PRKG1: variants seen among roughly 807,000 people sequenced by gnomAD.
The protein encoded by PRKG1 is cGMP-dependent protein kinase 1.
In PRKG1, 35 loss-of-function variants were observed where a neutral mutation model predicts 88.1. That is an observed-to-expected ratio of 0.40 (90% CI 0.30 to 0.53). The LOEUF (loss-of-function observed/expected upper bound fraction) is 0.53. Ranked by LOEUF, PRKG1 falls within the 20% of genes least tolerant of loss-of-function variation. The pLI is 0.59. For synonymous variants in PRKG1, 303 were observed against 292.5 expected, an observed-to-expected ratio of 1.04 and a Z score of -0.37; for missense variants, 540 against 839.8, an observed-to-expected ratio of 0.64 and a Z score of 4.41.
rs1230434480 is a variant in PRKG1, at chr10:51,945,200, C to A, written c.762+37630C>A. On this transcript the variant is annotated intron_variant, in intron 5 of 17. Coordinates refer to ENST00000373980, the MANE Select transcript of PRKG1 (RefSeq NM_006258.4). ...CTTCTTGTTGAATTGATCCCTTTAC[C>A]ATTATGTAATGGCCTTCTTTGTCTG... Among the ~76,000 whole-genome samples, 1,079 of 148,268 alleles carry A rather than the reference C, an allele frequency of 7.3e-3. 15 individuals carry two copies. Among genetic ancestry groups the A allele is most frequent in the African/African-American group, 0.024 (968 of 40,004 alleles).
intron 1 of PRKG1, among the ~76,000 whole-genome samples, chr10:51,132,888 T>C (rs955811203): frequency 6.6e-6 from 1 of 152,022 alleles, no homozygotes; most frequent in African/African-American, 2.4e-5. Flanking sequence ...CATATACATA[T>C]GTCAAAACAT....
chr10:50,991,217 C>T lies in PRKG1; in HGVS notation c.-162C>T. 4 of 1,051,222 alleles carry T rather than the reference C, an allele frequency of 3.8e-6. No individual in the cohort carries two copies. Among genetic ancestry groups the T allele is most frequent in the Non-Finnish European group, 5.3e-6 (4 of 757,880 alleles). The allele number at this position is 1,051,222 out of a possible 1,614,324, so 65.1% of individuals were successfully genotyped here. A position where few individuals can be genotyped will look rare whatever the true frequency, so the allele number is the denominator to read the frequency against. ...AGAAGCGGATCGAAGCAGGAGGCTC[C>T]CCGCGCCGCATTAGGGGCGCACTCC... On this transcript the variant is annotated 5_prime_UTR_variant, in exon 1 of 18. Transcript: ENST00000401604. This position sits in a 1 kb window ranked among gnomAD's most constrained non-coding sequence, Gnocchi z 4.5.
intron 2 of PRKG1, among the ~76,000 whole-genome samples, chr10:51,351,698 G>C (rs757497019): frequency 2.6e-5 from 4 of 152,052 alleles, no homozygotes; most frequent in Non-Finnish European, 4.4e-5. Context: ...TAGGTTGTCT[G>C]TTCTCTCTGA....
intron 9 of PRKG1, among the ~76,000 whole-genome samples, chr10:52,181,776 T>G (rs1839039301): frequency 1.3e-5 from 1 of 78,986 alleles, no homozygotes; most frequent in Admixed American, 1.5e-4. Flanking sequence ...TCATCTTTTA[T>G]GGCTGCATAG....
intron 2 of PRKG1, among the ~76,000 whole-genome samples, chr10:51,437,738 A>G (rs1224407684): frequency 6.6e-6 from 1 of 151,548 alleles, no homozygotes; most frequent in African/African-American, 2.4e-5. Flanking sequence ...TGAATGTTCT[A>G]AATCAGTGGT....
chr10:51,156,389 A>G (rs767862139), intron 2 of PRKG1, among the ~76,000 whole-genome samples: 2 of 151,540 alleles, frequency 1.3e-5, no homozygotes, highest in African/African-American at 2.4e-5. Context: ...AGGTAAGTAT[A>G]CTAATATTTT....
At chr10:51,090,464 G>A (rs1844372782) in intron 1 of PRKG1, among the ~76,000 whole-genome samples, 3 of 152,092 alleles carry the variant, frequency 2.0e-5, no homozygotes, top group Non-Finnish European at 2.9e-5. Context: ...ATAGGCAAGT[G>A]TGAAGTTCCA....
intron 2 of PRKG1, among the ~76,000 whole-genome samples, chr10:51,254,130 T>C (rs1839495882): frequency 6.6e-6 from 1 of 151,950 alleles, no homozygotes; most frequent in Admixed American, 6.6e-5. Flanking sequence ...TTTTACCATT[T>C]GTATTGGAAT....
intron 9 of PRKG1, among the ~76,000 whole-genome samples, chr10:52,210,202 G>A (rs755301500): frequency 3.3e-5 from 5 of 151,790 alleles, no homozygotes; most frequent in South Asian, 2.1e-4. Context: ...TAATTAAAAC[G>A]GATTGCTGTT....
At chr10:52,110,817 G>T (rs1405603377) in intron 7 of PRKG1, among the ~76,000 whole-genome samples, 3 of 152,274 alleles carry the variant, frequency 2.0e-5, no homozygotes, top group Middle Eastern at 3.4e-3. Context: ...GCTACTTTGT[G>T]TGACCAACTG....
chr10:51,774,296 G>T (rs753943320), intron 3 of PRKG1, among the ~76,000 whole-genome samples: 19 of 151,920 alleles, frequency 1.3e-4, no homozygotes, highest in Middle Eastern at 3.2e-3. Flanking sequence ...ATTGCATTTT[G>T]CTTTTTTCTT....
intron 3 of PRKG1, among the ~76,000 whole-genome samples, chr10:51,545,532 C>A (rs1387799138): frequency 6.6e-6 from 1 of 152,110 alleles, no homozygotes; most frequent in African/African-American, 2.4e-5. Flanking sequence ...CAATTTCTAT[C>A]TCTTAGAGAA....
At chr10:51,978,550 G>A (rs1015731437) in intron 5 of PRKG1, among the ~76,000 whole-genome samples, 1 of 151,658 alleles carries the variant, frequency 6.6e-6, no homozygotes, top group African/African-American at 2.4e-5. Flanking sequence ...ATTGCTTTGG[G>A]CAGTGTGGCC....
intron 5 of PRKG1, among the ~76,000 whole-genome samples, chr10:51,925,269 T>TA (rs2132989209): frequency 6.6e-6 from 1 of 152,098 alleles, no homozygotes; most frequent in African/African-American, 2.4e-5. Context: ...TGTCAGGGGC[T>TA]AAAATTCCCT....
At chr10:52,165,562 C>T (rs1172625201) in intron 9 of PRKG1, among the ~76,000 whole-genome samples, 1 of 152,104 alleles carries the variant, frequency 6.6e-6, no homozygotes, top group East Asian at 1.9e-4. Context: ...GTTAATTTGG[C>T]TCCACTTTGT....
intron 2 of PRKG1, among the ~76,000 whole-genome samples, chr10:51,220,555 G>T (rs1838502110): frequency 6.6e-6 from 1 of 152,018 alleles, no homozygotes; most frequent in South Asian, 2.1e-4. Context: ...TAGGACACCA[G>T]TATTAGTGAC....
chr10:51,661,932 A>G (rs1415264341), intron 3 of PRKG1, among the ~76,000 whole-genome samples: 2 of 152,176 alleles, frequency 1.3e-5, no homozygotes, highest in African/African-American at 4.8e-5. Flanking sequence ...TTGTAGGGAC[A>G]TGGATGAAGC....
At chr10:51,756,862 A>G (rs1018472893) in intron 3 of PRKG1, among the ~76,000 whole-genome samples, 2 of 151,774 alleles carry the variant, frequency 1.3e-5, no homozygotes, top group African/African-American at 4.8e-5. Flanking sequence ...AAATAAAAAT[A>G]TAAAAAGTAA....
chr10:51,973,411 T>A (rs909129181), intron 5 of PRKG1, among the ~76,000 whole-genome samples: 29 of 152,166 alleles, frequency 1.9e-4, no homozygotes, highest in Non-Finnish European at 3.4e-4. Flanking sequence ...GCCTGACACA[T>A]AGGCTGAATT....
Sources: allele counts gnomAD v4.1 joint callset (sites outside exome capture counted in the v4.1 genomes callset), GRCh38; gene constraint gnomAD v4.1.1; non-coding constraint Gnocchi (gnomAD v3.1); transcripts MANE v1.5; gene names NCBI Gene and HGNC (gene_info 2026-07-23, HGNC 2026-07-21).